F8: variants seen among roughly 807,000 people sequenced by gnomAD.
F8 encodes antihemophilic factor.
In F8, 12 loss-of-function variants were observed where a neutral mutation model predicts 140.6. The ratio of observed to expected loss-of-function variants is 0.09; its 90% CI spans 0.05 to 0.14. F8 has a LOEUF of 0.14. Ranked by LOEUF, F8 falls within the 10% of genes least tolerant of loss-of-function variation. The pLI, the probability that F8 is intolerant of heterozygous loss-of-function variation, is 1.00. For missense variants in F8, 1,354 were observed against 1,720.7 expected, an observed-to-expected ratio of 0.79 and a Z score of 3.77; for synonymous variants, 585 against 614.6, an observed-to-expected ratio of 0.95 and a Z score of 0.71.
intron 22 of F8, among the ~76,000 whole-genome samples, chrX:154,872,263 G>C (rs1400715181): frequency 9.0e-6 from 1 of 111,668 alleles, no homozygotes; most frequent in African/African-American, 3.3e-5. Flanking sequence ...TGTTTACTGT[G>C]GCACTATTCA....
chrX:154,974,819 G>T (rs1392574577), intron 6 of F8, among the ~76,000 whole-genome samples: 1 of 111,202 alleles, frequency 9.0e-6, no homozygotes, highest in Non-Finnish European at 1.9e-5. Context: ...ACCTTGGTAG[G>T]TTGTATGTGT....
intron 9 of F8, among the ~76,000 whole-genome samples, chrX:154,964,026 C>T (rs5945264): frequency 0.24 from 25,818 of 109,572 alleles, 3,049 homozygotes; most frequent in African/African-American, 0.45. Flanking sequence ...ATATTGTTAC[C>T]TTTTAAAAAT....
chrX:154,946,949 G>GGC (rs2124080823), intron 13 of F8, among the ~76,000 whole-genome samples: 1 of 111,501 alleles, frequency 9.0e-6, no homozygotes, highest in African/African-American at 3.3e-5. Flanking sequence ...ATTCAGGCTG[G>GGC]GCACGGTGGC....
intron 11 of F8, among the ~76,000 whole-genome samples, chrX:154,956,250 A>G (rs371437905): frequency 2.7e-4 from 30 of 112,200 alleles, no homozygotes; most frequent in African/African-American, 9.4e-4. Context: ...GTTCAAACAC[A>G]CAAGCTTTAC....
Position 154,993,072 on chromosome X carries a change from A to T in F8, c.465T>A (p.Tyr155Ter). Residue 155 changes from tyrosine to a stop codon, truncating the protein, a stop_gained, in exon 4 of 26, where the codon TAT becomes TAA. Transcript: ENST00000360256. LOFTEE classifies it high-confidence loss of function. ...DKVFPGGSHT[Y>*]VWQVLKENGP... ...CATTCTCTTTCAGGACCTGCCAGAC[A>T]TATGTATGGCTTCCACCAGGGAAGA... 8.3e-7 allele frequency: 1 copy of T among 1,211,954 alleles called. No homozygotes were observed. Among genetic ancestry groups the T allele is most frequent in the Non-Finnish European group, 1.1e-6 (1 of 895,470 alleles).
At chrX:154,866,633 C>A (rs1557273172) in intron 22 of F8, among the ~76,000 whole-genome samples, 1 of 111,365 alleles carries the variant, frequency 9.0e-6, no homozygotes. Context: ...CTTGAACGAC[C>A]ATTGGGTCAC....
chrX:154,937,563 T>C (rs988833836), intron 13 of F8, among the ~76,000 whole-genome samples: 18 of 110,530 alleles, frequency 1.6e-4, no homozygotes, highest in African/African-American at 5.6e-4. Flanking sequence ...GTACAGACAT[T>C]ATAAGGATGA....
At chrX:154,995,727 G>C (rs941769707) in intron 3 of F8, among the ~76,000 whole-genome samples, 1 of 112,351 alleles carries the variant, frequency 8.9e-6, no homozygotes, top group Non-Finnish European at 1.9e-5. Context: ...AATGTATTTC[G>C]TTTAACCTAG....
chrX:154,840,990 C>G (rs1557271299), intron 25 of F8, among the ~76,000 whole-genome samples: 1 of 110,891 alleles, frequency 9.0e-6, no homozygotes, highest in Non-Finnish European at 1.9e-5. Context: ...TTTAGAAATT[C>G]CTTACATTTT....
chrX:154,872,370 T>TA (rs1293309744), intron 22 of F8, among the ~76,000 whole-genome samples: 1 of 111,363 alleles, frequency 9.0e-6, no homozygotes, highest in African/African-American at 3.3e-5. Flanking sequence ...TATACAGCCA[T>TA]AAAAAAGGAT....
chrX:154,930,124 T>C lies in F8; in HGVS notation c.3666A>G (p.Thr1222=). 2 of 1,209,409 alleles carry C rather than the reference T, an allele frequency of 1.7e-6. No homozygotes were observed. Among genetic ancestry groups the C allele is most frequent in the Non-Finnish European group, 2.2e-6 (2 of 894,066 alleles). ...GCAAAACTACATTCTCTTGGATTAA[T>C]GTTTCCTTCTTTTCTATTTCTTCCT... ...KIQEEIEKKE[T]LIQENVVLPQ... The change falls in exon 14 of 26, where the codon ACA becomes ACG. Residue 1222 remains threonine (T), a synonymous_variant. Coordinates refer to ENST00000360256, the MANE Select transcript of F8 (RefSeq NM_000132.4).
At chrX:155,010,288 T>C in intron 1 of F8, among the ~76,000 whole-genome samples, 1 of 112,341 alleles carries the variant, frequency 8.9e-6, no homozygotes, top group East Asian at 2.8e-4. Context: ...TCCTGCCAAA[T>C]ATATTTGGCA....
intron 1 of F8, among the ~76,000 whole-genome samples, chrX:155,007,302 T>A (rs2073681578): frequency 8.9e-6 from 1 of 112,762 alleles, no homozygotes; most frequent in Admixed American, 9.3e-5. Flanking sequence ...AGCCTCTGCA[T>A]AGGCCATCGC....
Position 154,984,675 on chromosome X carries a change from G to C in F8, c.787+12C>G. 1 of 1,159,380 alleles carries C rather than the reference G, an allele frequency of 8.6e-7. No homozygotes were observed. The highest frequency in any genetic ancestry group is 1.8e-5 in the South Asian group (1 of 55,871). ...GAAGACCCTGAGGATTGTTGAGCAG[G>C]TGTGTACATACCTGGCAGAGACCTG... On this transcript the variant is annotated intron_variant, in intron 6 of 25. Coordinates refer to ENST00000360256, the MANE Select transcript of F8 (RefSeq NM_000132.4).
rs145451085 is a variant in F8 at position 154,980,971 on chromosome X, A to G, written c.787+3716T>C. Reference sequence around the variant, plus strand: ...AGGCAACAGAGACCATATCAAAAAGAAAGTGAAAGGACTGGCTGTTGTATT... The same window carrying G: ...AGGCAACAGAGACCATATCAAAAAGGAAGTGAAAGGACTGGCTGTTGTATT... On this transcript the variant is annotated intron_variant, in intron 6 of 25. Coordinates refer to ENST00000360256, the MANE Select transcript of F8 (RefSeq NM_000132.4). Among the ~76,000 whole-genome samples the G allele has an allele frequency of 8.9e-5, 10 of 112,360 alleles. No homozygotes were observed. The East Asian group carries it at 2.8e-3, about 32-fold the overall frequency.
intron 23 of F8, among the ~76,000 whole-genome samples, chrX:154,862,606 GT>G (rs782047017): frequency 9.0e-6 from 1 of 110,752 alleles, no homozygotes; most frequent in South Asian, 3.8e-4. Context: ...TGCATTTAAT[GT>G]TTAGCTCCCA....
At position 155,002,889 on chromosome X, in the gene F8, G is replaced by A. The variant is rs188802079; in HGVS notation, c.144-3289C>T. ...TAGTTTTGATAGTAGCCATCCTAAT[G>A]GGTGTGAGGCAGTATCTCTTTGTAG... On this transcript the variant is annotated intron_variant, in intron 1 of 25. Transcript: ENST00000360256. 5.4e-5 allele frequency among the ~76,000 whole-genome samples: 6 copies of A among 111,947 alleles called. No homozygotes were observed. In the East Asian group the frequency reaches 1.7e-3, roughly 31 times the overall value.
intron 25 of F8, among the ~76,000 whole-genome samples, chrX:154,854,651 T>C (rs1048525329): frequency 9.0e-6 from 1 of 110,628 alleles, no homozygotes; most frequent in Non-Finnish European, 1.9e-5. Context: ...GTTTTGTTTC[T>C]TTGGGAACCA....
chrX:154,931,674 G>T lies in F8; in HGVS notation c.2116C>A (p.Leu706Ile), dbSNP rs1557278873. Residue 706 changes from leucine to isoleucine, a missense_variant and splice_region_variant, in exon 14 of 26, where the codon CTA (leucine) becomes ATA (isoleucine). By Grantham distance (5) the Leu-to-Ile change is conservative (BLOSUM62 2). Coordinates refer to ENST00000360256, the MANE Select transcript of F8 (RefSeq NM_000132.4). Reference protein sequence around the residue: ...TVFMSMENPGLWILGCHNSDF... With the variant: ...TVFMSMENPGIWILGCHNSDF... ...GAGTTGTGGCACCCCAGAATCCATAGACCTGGAGATGAGGAAGAATAAGAC... is the reference window on the plus strand; with the variant it reads ...GAGTTGTGGCACCCCAGAATCCATATACCTGGAGATGAGGAAGAATAAGAC... 8.3e-7 allele frequency: 1 copy of T among 1,204,267 alleles called. No individual in the cohort carries two copies.
Sources: allele counts gnomAD v4.1 joint callset (sites outside exome capture counted in the v4.1 genomes callset), GRCh38; gene constraint gnomAD v4.1.1; transcripts MANE v1.5; gene names NCBI Gene and HGNC (gene_info 2026-07-23, HGNC 2026-07-21).